Variants in TRIO observed in about 807,000 individuals in gnomAD.
TRIO encodes the protein trio Rho guanine nucleotide exchange factor, also known as triple functional domain protein.
Under a neutral mutation model 351.9 loss-of-function variants are expected in TRIO, and 58 were observed. The ratio of observed to expected loss-of-function variants is 0.16; its 90% CI spans 0.13 to 0.21. TRIO has a LOEUF of 0.21. TRIO is among the 10% of genes least tolerant of loss of function. The pLI, the probability that TRIO is intolerant of heterozygous loss-of-function variation, is 1.00. For missense variants in TRIO, 3,201 were observed against 4,027.8 expected (o/e 0.79, Z 5.56); for synonymous variants, 1,758 against 1,595.7 (o/e 1.10, Z -2.42).
intron 11 of TRIO, among the ~76,000 whole-genome samples, chr5:14,344,886 C>G (rs1182947470): frequency 6.6e-6 from 1 of 152,144 alleles, no homozygotes; most frequent in Non-Finnish European, 1.5e-5. Flanking sequence ...GAACCCTTAC[C>G]CATAGTTCCC....
At chr5:14,268,274 G>A (rs1795801164) in intron 1 of TRIO, among the ~76,000 whole-genome samples, 1 of 152,220 alleles carries the variant, frequency 6.6e-6, no homozygotes, top group African/African-American at 2.4e-5. Flanking sequence ...AGATGGCCTG[G>A]AATATGACAG....
chr5:14,510,032 A>T lies in TRIO; in HGVS notation c.*1610A>T, dbSNP rs1474773564. 5 of 152,198 alleles carry T rather than the reference A, an allele frequency of 3.3e-5. No individual in the cohort carries two copies. Among genetic ancestry groups the T allele is most frequent in the Admixed American group, 1.3e-4 (2 of 15,284 alleles). The allele number at this position is 152,198 out of a possible 1,614,324, so 9.4% of individuals were successfully genotyped here. On this transcript the variant is annotated 3_prime_UTR_variant, in exon 57 of 57. Coordinates refer to ENST00000344204, the MANE Select transcript of TRIO (RefSeq NM_007118.4). Reference sequence around the variant, plus strand: ...ATTCGAAACTGGATGTGTATTCGTAACCTCATAATTTTTATTTGTGTATTG... The same window carrying T: ...ATTCGAAACTGGATGTGTATTCGTATCCTCATAATTTTTATTTGTGTATTG...
intron 2 of TRIO, 41 bp from the exon 3 acceptor site, chr5:14,280,281 T>C: frequency 6.4e-7 from 1 of 1,565,704 alleles, no homozygotes; most frequent in East Asian, 2.2e-5. Flanking sequence ...GATTTCTGTC[T>C]TATCTTGTGT....
chr5:14,323,581 A>G (rs1468345635), intron 9 of TRIO, among the ~76,000 whole-genome samples: 2 of 152,214 alleles, frequency 1.3e-5, no homozygotes, highest in Admixed American at 6.5e-5. Context: ...AGGAGCTCCC[A>G]TGACCACTCT....
At chr5:14,179,346 A>G (rs1789607437) in intron 1 of TRIO, among the ~76,000 whole-genome samples, 1 of 152,234 alleles carries the variant, frequency 6.6e-6, no homozygotes, top group African/African-American at 2.4e-5. Context: ...CTGTAATACT[A>G]CATTACAATT....
intron 1 of TRIO, among the ~76,000 whole-genome samples, chr5:14,242,906 T>C (rs1414954866): frequency 6.6e-6 from 1 of 152,218 alleles, no homozygotes; most frequent in Non-Finnish European, 1.5e-5. Flanking sequence ...AGGCCCTGCC[T>C]TCTCTAAATC....
intron 34 of TRIO, among the ~76,000 whole-genome samples, chr5:14,428,869 G>A (rs1217401669): frequency 5.3e-5 from 8 of 152,186 alleles, no homozygotes; most frequent in African/African-American, 1.4e-4. Flanking sequence ...AATGAGACGG[G>A]CCCTGAGGGG....
At chr5:14,396,712 C>G (rs1020355896) in intron 28 of TRIO, among the ~76,000 whole-genome samples, 1 of 151,554 alleles carries the variant, frequency 6.6e-6, no homozygotes, top group Non-Finnish European at 1.5e-5. Flanking sequence ...TCAAGTGATT[C>G]ACCCACCTCA....
chr5:14,475,167 T>A (rs1754968298), intron 40 of TRIO, among the ~76,000 whole-genome samples: 1 of 152,330 alleles, frequency 6.6e-6, no homozygotes, highest in Admixed American at 6.5e-5. Context: ...TTAAAAATCC[T>A]TAATCATCTG....
At chr5:14,377,951 T>G in intron 19 of TRIO, 61 bp from the exon 20 acceptor site, 3 of 1,274,216 alleles carry the variant, frequency 2.4e-6, no homozygotes, top group African/African-American at 1.5e-5. Context: ...ATGAATGGAA[T>G]TTCGCGGTTG....
At chr5:14,412,639 C>T (rs1471272241) in intron 33 of TRIO, among the ~76,000 whole-genome samples, 1 of 152,220 alleles carries the variant, frequency 6.6e-6, no homozygotes, top group African/African-American at 2.4e-5. Context: ...TCCTGGCCAG[C>T]TCAGGGCTCT....
At chr5:14,325,164 A>G (rs1421289651) in intron 9 of TRIO, among the ~76,000 whole-genome samples, 2 of 152,214 alleles carry the variant, frequency 1.3e-5, no homozygotes, top group East Asian at 1.9e-4. Context: ...TATCATTTAC[A>G]TTGGTTTTCA....
At chr5:14,303,074 T>C (rs1396462140) in intron 7 of TRIO, among the ~76,000 whole-genome samples, 1 of 142,764 alleles carries the variant, frequency 7.0e-6, no homozygotes, top group African/African-American at 2.7e-5. Flanking sequence ...GGGGTGTCAG[T>C]GGAGGAGATT....
chr5:14,277,109 ATGGAGAGCAT>A (rs370188857), intron 2 of TRIO, among the ~76,000 whole-genome samples: 6 of 152,266 alleles, frequency 3.9e-5, no homozygotes, highest in African/African-American at 1.4e-4. Flanking sequence ...CTCACTGGGC[ATGGAGAGCAT>A]TGTGTATTCT....
At chr5:14,182,384 C>G (rs1323948788) in intron 1 of TRIO, among the ~76,000 whole-genome samples, 1 of 152,180 alleles carries the variant, frequency 6.6e-6, no homozygotes, top group African/African-American at 2.4e-5. Context: ...ATGCTTCTAC[C>G]TTGGGACAAA....
At chr5:14,467,738 A>T (rs1754369699) in intron 37 of TRIO, among the ~76,000 whole-genome samples, 2 of 152,118 alleles carry the variant, frequency 1.3e-5, no homozygotes, top group South Asian at 4.1e-4. Context: ...ACCTGAGCCC[A>T]GGAGGTTGAG....
At chr5:14,476,177 A>T (rs1342689665) in intron 40 of TRIO, among the ~76,000 whole-genome samples, 1 of 152,236 alleles carries the variant, frequency 6.6e-6, no homozygotes, top group African/African-American at 2.4e-5. Flanking sequence ...CTTAGAATGA[A>T]TATGAAATTC....
Position 14,179,269 on chromosome 5 carries a change from T to C in TRIO, c.157+35387T>C, listed in dbSNP as rs547466886. Among the ~76,000 whole-genome samples the C allele has an allele frequency of 7.2e-5, 11 of 152,332 alleles. No homozygotes were observed. The South Asian group carries it at 1.4e-3, about 20-fold the overall frequency. On this transcript the variant is annotated intron_variant, in intron 1 of 56. Coordinates refer to ENST00000344204, the MANE Select transcript of TRIO (RefSeq NM_007118.4). ...GCAGTTAGGTACCCTGTGACTTCTTTACCATGTGCTAGACTCAAACATACG... is the reference window on the plus strand; with the variant it reads ...GCAGTTAGGTACCCTGTGACTTCTTCACCATGTGCTAGACTCAAACATACG...
At chr5:14,158,460 TA>T (rs1304511653) in intron 1 of TRIO, among the ~76,000 whole-genome samples, 1 of 151,376 alleles carries the variant, frequency 6.6e-6, no homozygotes, top group Non-Finnish European at 1.5e-5. Context: ...AAGTCATGAC[TA>T]GGGGTAGTGA....
Sources: allele counts gnomAD v4.1 joint callset (sites outside exome capture counted in the v4.1 genomes callset), GRCh38; gene constraint gnomAD v4.1.1; transcripts MANE v1.5; gene names NCBI Gene and HGNC (gene_info 2026-07-23, HGNC 2026-07-21).